The following PCDHGA6 variants were observed in gnomAD, a reference collection of about 807,000 sequenced individuals.
The protein encoded by PCDHGA6 is protocadherin gamma-A6.
In PCDHGA6, 41 loss-of-function variants were observed where a neutral mutation model predicts 60.6. The ratio of observed to expected loss-of-function variants is 0.68; its 90% confidence interval spans 0.53 to 0.88. PCDHGA6 has a LOEUF of 0.88. Among genes scored for constraint, PCDHGA6 ranks in the 40% least tolerant of loss-of-function variants. The pLI, the probability that PCDHGA6 is intolerant of heterozygous loss-of-function variation, is 0.00. For synonymous variants in PCDHGA6, 594 were observed against 524.4 expected, an observed-to-expected ratio of 1.13 and a Z score of -1.81; for missense variants, 1,312 against 1,203.0, an observed-to-expected ratio of 1.09 and a Z score of -1.34.
intron 1 of PCDHGA6, chr5:141,484,976 G>T: frequency 1.7e-6 from 1 of 592,920 alleles, no homozygotes; most frequent in South Asian, 2.1e-5. Flanking sequence ...GCCGCTGTCT[G>T]CCAATCGGGT....
chr5:141,470,488 T>A (rs2099231812), intron 1 of PCDHGA6, among the ~76,000 whole-genome samples: 2 of 152,234 alleles, frequency 1.3e-5, no homozygotes, highest in South Asian at 4.1e-4. Flanking sequence ...CCTCTGGGAA[T>A]AATATTAGGT....
intron 1 of PCDHGA6, chr5:141,389,201 C>T: frequency 1.2e-6 from 2 of 1,614,034 alleles, no homozygotes; most frequent in Non-Finnish European, 1.7e-6. Flanking sequence ...TCACCCTGCA[C>T]ATTGGTGATG....
At chr5:141,416,641 C>A (rs996381588) in intron 1 of PCDHGA6, 1 of 152,056 alleles carries the variant, frequency 6.6e-6, no homozygotes, top group Non-Finnish European at 1.5e-5. Context: ...AAACACCAAC[C>A]ACAGCTGTAA....
At chr5:141,390,634 T>C (rs1003300188) in intron 1 of PCDHGA6, 36 of 236,246 alleles carry the variant, frequency 1.5e-4, no homozygotes, top group African/African-American at 7.4e-4. Context: ...ATATGATGAA[T>C]ACTTTTTTCA....
intron 1 of PCDHGA6, chr5:141,378,778 C>G (rs962575356): frequency 6.6e-5 from 10 of 152,270 alleles, no homozygotes; most frequent in Middle Eastern, 3.4e-3. Flanking sequence ...ACTGATTAGT[C>G]TTATTTATTA....
chr5:141,413,054 A>G (rs2095600698), intron 1 of PCDHGA6: 1 of 981,614 alleles, frequency 1.0e-6, no homozygotes, highest in African/African-American at 1.6e-5. Flanking sequence ...AGGGAAGCTC[A>G]CTCCAGAATT....
At chr5:141,417,340 C>T (rs981474163) in intron 1 of PCDHGA6, 2 of 152,874 alleles carry the variant, frequency 1.3e-5, no homozygotes, top group African/African-American at 4.8e-5. Context: ...GATAGGAGAC[C>T]TATAAACCTT....
At chr5:141,433,869 T>C (rs1293077938) in intron 1 of PCDHGA6, among the ~76,000 whole-genome samples, 8 of 151,960 alleles carry the variant, frequency 5.3e-5, no homozygotes, top group Non-Finnish European at 7.4e-5. Flanking sequence ...TATCCTCTAG[T>C]TTCATCCATT....
At chr5:141,436,214 A>G (rs1242199916) in intron 1 of PCDHGA6, among the ~76,000 whole-genome samples, 5 of 152,160 alleles carry the variant, frequency 3.3e-5, no homozygotes, top group African/African-American at 7.2e-5. Context: ...AGGAAAACAA[A>G]TGACTTGGGA....
intron 1 of PCDHGA6, chr5:141,399,376 A>G: frequency 6.2e-7 from 1 of 1,613,956 alleles, no homozygotes; most frequent in Non-Finnish European, 8.5e-7. Flanking sequence ...GTACAATGTC[A>G]CCATCACAGC....
rs2099883697 is a variant in PCDHGA6, at chr5:141,511,284, G to T, written c.*111G>T. On this transcript the variant is annotated 3_prime_UTR_variant, in exon 4 of 4. Coordinates refer to ENST00000517434, the MANE Select transcript of PCDHGA6 (RefSeq NM_018919.3). ...AGGGCTAACCCCCAGAATACTGGTA[G>T]GGGCCAAGGCCATGCTCCCCTTGGG... 6.5e-7 allele frequency: 1 copy of T among 1,528,258 alleles called. No homozygotes were observed. Among genetic ancestry groups the T allele is most frequent in the African/African-American group, 1.4e-5 (1 of 72,674 alleles). 94.7% of individuals were successfully genotyped at this position (1,528,258 alleles called of 1,614,324 possible). A position where few individuals can be genotyped will look rare whatever the true frequency, so the allele number is the denominator to read the frequency against.
chr5:141,421,064 G>A (rs2096543646), intron 1 of PCDHGA6: 2 of 593,294 alleles, frequency 3.4e-6, no homozygotes, highest in Non-Finnish European at 5.7e-6. Context: ...ACACAAAGCG[G>A]AATGAGATGG....
chr5:141,390,513 A>G lies in PCDHGA6; in HGVS notation c.2424+14006A>G. ...TTTTTAGCCAAGCTTAGATTTATAA[A>G]GCAATGAGGGTGTGGTTTTAACCAC... is the stretch of plus-strand genomic sequence containing the variant. On this transcript the variant is annotated intron_variant, in intron 1 of 3. Coordinates refer to ENST00000517434, the MANE Select transcript of PCDHGA6 (RefSeq NM_018919.3). The G allele has an allele frequency of 1.0e-5, 6 of 581,214 alleles. No homozygotes were observed. The South Asian group carries it at 1.1e-4, about 10-fold the overall frequency. The allele number at this position is 581,214 out of a possible 1,614,324, so 36.0% of individuals were successfully genotyped here.
intron 1 of PCDHGA6, chr5:141,390,229 C>T (rs781367582): frequency 6.2e-7 from 1 of 1,614,056 alleles, no homozygotes; most frequent in South Asian, 1.1e-5. Flanking sequence ...TGCGGTGATT[C>T]ATCTGGGGCC....
rs1449032006 is a variant in PCDHGA6 at position 141,438,617 on chromosome 5, TATATATATATATATATATAC to T, written c.2425-56188_2425-56169del. 2.9e-3 allele frequency among the ~76,000 whole-genome samples: 107 copies of T among 37,156 alleles called. 1 individual carries two copies. Among genetic ancestry groups the T allele is most frequent in the South Asian group, 0.015 (15 of 996 alleles). 24.4% of individuals were successfully genotyped at this position (37,156 alleles called of 152,430 possible). On this transcript the variant is annotated intron_variant, in intron 1 of 3. Transcript: ENST00000517434. Reference sequence around the variant, plus strand: ...ATATATATATATATATATATATATATATATATATATATATATATACACACACACACACACATATATGTATA... The same window carrying T: ...ATATATATATATATATATATATATATACACACACACACACATATATGTATA...
chr5:141,422,762 C>A (rs745320796), intron 1 of PCDHGA6: 1 of 1,613,392 alleles, frequency 6.2e-7, no homozygotes, highest in Admixed American at 1.7e-5. Context: ...AACTCCAACA[C>A]TGGTGTTCTC....
At position 141,477,626 on chromosome 5, in the gene PCDHGA6, G is replaced by A. The variant is rs201987467; in HGVS notation, c.2425-17181G>A. The A allele has an allele frequency of 1.9e-5, 31 of 1,614,052 alleles. No individual in the cohort carries two copies. The highest frequency in any genetic ancestry group is 2.5e-5 in the Non-Finnish European group (30 of 1,180,044). Reference sequence around the variant, plus strand: ...TCTCTTGGAGCAAGGAGCTGAAACCGGGCTAGTGGGTCGCTATTTCACAAT... The same window carrying A: ...TCTCTTGGAGCAAGGAGCTGAAACCAGGCTAGTGGGTCGCTATTTCACAAT... On this transcript the variant is annotated intron_variant, in intron 1 of 3. Transcript: ENST00000517434. This position sits in a 1 kb window ranked among gnomAD's most constrained non-coding sequence, Gnocchi z 4.9.
At chr5:141,446,049 G>T (rs1043671484) in intron 1 of PCDHGA6, among the ~76,000 whole-genome samples, 1 of 152,100 alleles carries the variant, frequency 6.6e-6, no homozygotes, top group African/African-American at 2.4e-5. Context: ...AAGAAGAGCT[G>T]GCTTGGATTA....
intron 1 of PCDHGA6, among the ~76,000 whole-genome samples, chr5:141,437,426 C>T (rs531265278): frequency 6.6e-6 from 1 of 152,268 alleles, no homozygotes; most frequent in South Asian, 2.1e-4. Flanking sequence ...CTTTTTGAAG[C>T]AGCAATAGCA....
Sources: allele counts gnomAD v4.1 joint callset (sites outside exome capture counted in the v4.1 genomes callset), GRCh38; gene constraint gnomAD v4.1.1; non-coding constraint Gnocchi (gnomAD v3.1); transcripts MANE v1.5; gene names NCBI Gene and HGNC (gene_info 2026-07-23, HGNC 2026-07-21).